Variants in BACH2 observed in about 807,000 individuals in gnomAD.
BACH2 encodes the protein BACH transcriptional regulator 2, also known as transcription regulator protein BACH2.
In BACH2, 5 loss-of-function variants were observed where a neutral mutation model predicts 61.8. The ratio of observed to expected loss-of-function variants is 0.08; its 90% CI spans 0.04 to 0.17. The LOEUF is 0.17. Among genes scored for constraint, BACH2 ranks in the 10% least tolerant of loss-of-function variants. BACH2 has a pLI of 1.00. For synonymous variants in BACH2, 446 were observed against 440.1 expected, an observed-to-expected ratio of 1.01 and a Z score of -0.17; for missense variants, 824 against 1,091.1, an observed-to-expected ratio of 0.76 and a Z score of 3.45.
intron 5 of BACH2, among the ~76,000 whole-genome samples, chr6:90,014,244 G>C (rs1438890836): frequency 6.7e-6 from 1 of 149,918 alleles, no homozygotes; most frequent in African/African-American, 2.5e-5. Flanking sequence ...AAATGAGCTG[G>C]GAAGTATTTC....
intron 2 of BACH2, among the ~76,000 whole-genome samples, chr6:90,263,400 A>T (rs1483487663): frequency 2.0e-5 from 3 of 152,236 alleles, no homozygotes; most frequent in Admixed American, 6.5e-5. Context: ...TGAAAAATAA[A>T]TCCCCAAACA....
At chr6:89,941,504 C>T (rs1435099165) in intron 7 of BACH2, among the ~76,000 whole-genome samples, 4 of 152,216 alleles carry the variant, frequency 2.6e-5, no homozygotes, top group African/African-American at 9.6e-5. Context: ...TAAAGACAGG[C>T]AGCCAGGACA....
At chr6:89,945,085 G>A (rs1346698396) in intron 7 of BACH2, among the ~76,000 whole-genome samples, 1 of 152,118 alleles carries the variant, frequency 6.6e-6, no homozygotes, top group Non-Finnish European at 1.5e-5. Flanking sequence ...AATTTGAAAT[G>A]GTATAGCCAC....
At chr6:90,190,353 T>C (rs1768527146) in intron 4 of BACH2, among the ~76,000 whole-genome samples, 1 of 152,216 alleles carries the variant, frequency 6.6e-6, no homozygotes, top group Admixed American at 6.5e-5. Flanking sequence ...GTAAGAAATA[T>C]TCAGGCCTGA....
At chr6:90,011,995 C>T (rs1777753040) in intron 5 of BACH2, among the ~76,000 whole-genome samples, 1 of 139,378 alleles carries the variant, frequency 7.2e-6, no homozygotes, top group Non-Finnish European at 1.6e-5. Context: ...GAGGTCTCGC[C>T]ATATTGCCCA....
At chr6:90,245,517 C>T (rs1486509105) in intron 3 of BACH2, among the ~76,000 whole-genome samples, 3 of 152,170 alleles carry the variant, frequency 2.0e-5, no homozygotes, top group South Asian at 2.1e-4. Flanking sequence ...TGAACTGTGA[C>T]GGTGGCACTG....
chr6:90,277,560 C>CA (rs1771733098), intron 1 of BACH2, among the ~76,000 whole-genome samples: 1 of 152,178 alleles, frequency 6.6e-6, no homozygotes, highest in Non-Finnish European at 1.5e-5. Context: ...GAACTGGTTA[C>CA]AACAGCGTGT....
rs536885511 is a variant in BACH2, at chr6:90,220,055, T to C, written c.-274-13374A>G. On this transcript the variant is annotated intron_variant, in intron 3 of 8. Coordinates refer to ENST00000257749, the MANE Select transcript of BACH2 (RefSeq NM_021813.4). Reference sequence around the variant, plus strand: ...AGCCGCTTGTAACAAATTGACAACCTGCAAAACTTATGCTTATTTACATCT... The same window carrying C: ...AGCCGCTTGTAACAAATTGACAACCCGCAAAACTTATGCTTATTTACATCT... 3.3e-5 allele frequency among the ~76,000 whole-genome samples: 5 copies of C among 152,266 alleles called. No homozygotes were observed. In the South Asian group the frequency reaches 1.0e-3, roughly 32 times the overall value.
chr6:90,144,254 T>C (rs527626966), intron 4 of BACH2, among the ~76,000 whole-genome samples: 291 of 152,340 alleles, frequency 1.9e-3, no homozygotes, highest in African/African-American at 6.4e-3. Context: ...GAAAAGTCTA[T>C]TTATTTAGCT....
chr6:90,178,295 T>G (rs1333443740), intron 4 of BACH2, among the ~76,000 whole-genome samples: 4 of 152,186 alleles, frequency 2.6e-5, no homozygotes, highest in African/African-American at 9.7e-5. Flanking sequence ...TGACATTCTG[T>G]ATATTAGTAT....
At chr6:90,006,963 GT>G (rs1397900001) in intron 6 of BACH2, among the ~76,000 whole-genome samples, 1 of 152,176 alleles carries the variant, frequency 6.6e-6, no homozygotes, top group Non-Finnish European at 1.5e-5. Flanking sequence ...CTCAGCAGGG[GT>G]AATAGCAGAT....
chr6:90,025,898 G>A (rs1363365686), intron 5 of BACH2, among the ~76,000 whole-genome samples: 1 of 152,194 alleles, frequency 6.6e-6, no homozygotes, highest in African/African-American at 2.4e-5. Flanking sequence ...TAAAGCATCT[G>A]AGTCAAACCA....
At chr6:89,954,066 G>A (rs1249831761) in intron 6 of BACH2, among the ~76,000 whole-genome samples, 1 of 152,162 alleles carries the variant, frequency 6.6e-6, no homozygotes, top group African/African-American at 2.4e-5. Context: ...AAGATGACAA[G>A]AATGTCACAT....
chr6:90,028,942 T>C lies in BACH2; in HGVS notation c.-12-20086A>G, dbSNP rs1056986038. Among the ~76,000 whole-genome samples, 4 of 152,246 alleles carry C rather than the reference T, an allele frequency of 2.6e-5. No homozygotes were observed. In the South Asian group the frequency reaches 6.2e-4, roughly 24 times the overall value. On this transcript the variant is annotated intron_variant, in intron 5 of 8. Transcript: ENST00000257749. ...AGGATTAAAATATTTTACGTGTTTG[T>C]TTGTTCATTAATTCACCAATTTAAC...
At chr6:89,957,190 C>CA (rs1774471176) in intron 6 of BACH2, among the ~76,000 whole-genome samples, 1 of 152,188 alleles carries the variant, frequency 6.6e-6, no homozygotes, top group Admixed American at 6.5e-5. Flanking sequence ...TCTCCCTTCC[C>CA]ACTCTCTTAC....
At chr6:90,127,784 G>A (rs1422073974) in intron 4 of BACH2, among the ~76,000 whole-genome samples, 2 of 152,306 alleles carry the variant, frequency 1.3e-5, no homozygotes, top group South Asian at 4.1e-4. Flanking sequence ...AGGCTCTTGC[G>A]TTTGAACAGT....
Position 89,934,416 on chromosome 6 carries a change from T to C in BACH2, c.2044-1526A>G, listed in dbSNP as rs184405989. Among the ~76,000 whole-genome samples, 246 of 152,166 alleles carry C rather than the reference T, an allele frequency of 1.6e-3. 1 individual carries two copies. Among genetic ancestry groups the C allele is most frequent in the African/African-American group, 5.6e-3 (232 of 41,534 alleles). On this transcript the variant is annotated intron_variant, in intron 8 of 8. Coordinates refer to ENST00000257749, the MANE Select transcript of BACH2 (RefSeq NM_021813.4). ...GGGTCATGCCTGTAATCCCAGCACT[T>C]TGCGGCTGAGATGGGCAGATCACTT...
chr6:90,121,789 G>A (rs527340444), intron 4 of BACH2, among the ~76,000 whole-genome samples: 5 of 152,084 alleles, frequency 3.3e-5, no homozygotes, highest in East Asian at 1.9e-4. Flanking sequence ...CAGGTAATTC[G>A]CCCACCTCGG....
chr6:90,055,516 C>T (rs4706355), intron 5 of BACH2, among the ~76,000 whole-genome samples: 45,677 of 151,894 alleles, frequency 0.3, 7,542 homozygotes, highest in East Asian at 0.68. Flanking sequence ...CTGAAAGTGA[C>T]GGGGAGAATG....
Sources: gnomAD v4.1 joint callset for allele counts (sites outside exome capture counted in the v4.1 genomes callset) on GRCh38, gnomAD v4.1.1 for gene constraint, MANE v1.5 for transcripts, NCBI Gene and HGNC (gene_info 2026-07-23, HGNC 2026-07-21) for gene names.